DNAH2: variants seen among roughly 807,000 people sequenced by gnomAD.
The protein encoded by DNAH2 is dynein axonemal heavy chain 2.
Under a neutral mutation model 523.5 loss-of-function variants are expected in DNAH2, and 323 were observed. The observed-to-expected ratio is 0.62, with a 90% CI of 0.56 to 0.68. The LOEUF is 0.68. Among genes scored for constraint, DNAH2 ranks in the 30% least tolerant of loss-of-function variants. The probability of loss-of-function intolerance (pLI) is 0.00; values close to 1 mark genes in which losing one functional copy is unlikely to be tolerated. For synonymous variants in DNAH2, 2,093 were observed against 2,177.4 expected (o/e 0.96, Z 1.08); for missense variants, 4,907 against 5,701.5 (o/e 0.86, Z 4.49).
chr17:7,739,349 T>C (rs551470203), intron 8 of DNAH2, among the ~76,000 whole-genome samples: 3 of 152,240 alleles, frequency 2.0e-5, no homozygotes, highest in African/African-American at 7.2e-5. Context: ...GAGGTTGCAG[T>C]GAGCCGAGAT....
intron 65 of DNAH2, 54 bp from the exon 66 acceptor site, chr17:7,817,507 G>A (rs1597756464): frequency 3.1e-6 from 5 of 1,613,614 alleles, no homozygotes; most frequent in Non-Finnish European, 4.2e-6. Flanking sequence ...TGAAGGCGCG[G>A]GGGCTGCTGG....
At chr17:7,824,381 A>G in intron 76 of DNAH2, 77 bp downstream of exon 76, 1 of 1,473,516 alleles carries the variant, frequency 6.8e-7, no homozygotes, top group African/African-American at 1.4e-5. Flanking sequence ...CAATTACACT[A>G]CTGTCCCTGT....
In DNAH2 at chr17:7,760,626, A is replaced by G. The variant is rs2151197979; in HGVS notation, c.2786-114A>G. ...CTTCTAATGTGCATGTTTGAGCTGTATTTCTCTGGGAAGCTGGTTTTAGAG... is the reference window on the plus strand; with the variant it reads ...CTTCTAATGTGCATGTTTGAGCTGTGTTTCTCTGGGAAGCTGGTTTTAGAG... On this transcript the variant is annotated intron_variant, in intron 17 of 85. Coordinates refer to ENST00000572933, the MANE Select transcript of DNAH2 (RefSeq NM_020877.5). The surrounding 1 kb of genome is among the most constrained non-coding windows in gnomAD (Gnocchi z 4.0). 2 of 990,616 alleles carry G rather than the reference A, an allele frequency of 2.0e-6. No individual in the cohort carries two copies. The highest frequency in any genetic ancestry group is 3.0e-6 in the Non-Finnish European group (2 of 670,378). 61.4% of individuals were successfully genotyped at this position (990,616 alleles called of 1,614,324 possible).
Position 7,758,972 on chromosome 17 carries a change from A to T in DNAH2, c.2296A>T (p.Ile766Phe), listed in dbSNP as rs778406461. ...QEMSEKLLVR[I>F]SGKRVYRDLE... The stretch of plus-strand genomic sequence containing the variant: ...GATGTCAGAGAAGCTGCTGGTACGC[A>T]TTAGTGGCAAACGGGTATACAGGGA... The change falls in exon 15 of 86, where the codon ATT becomes TTT. Residue 766 changes from isoleucine (I) to phenylalanine (F), a missense_variant. Ile to Phe is a conservative substitution (Grantham distance 21). This residue lies in a region of DNAH2 where 2,806 missense variants were observed against 3,190.8 expected (regional missense o/e 0.88). Transcript: ENST00000572933. The T allele has an allele frequency of 6.2e-7, 1 of 1,614,140 alleles. No individual in the cohort carries two copies. Among genetic ancestry groups the T allele is most frequent in the South Asian group, 1.1e-5 (1 of 91,086 alleles).
chr17:7,831,029 C>T lies in DNAH2; in HGVS notation c.12231-57C>T. 6.4e-7 allele frequency: 1 copy of T among 1,568,988 alleles called. No individual in the cohort carries two copies. Among genetic ancestry groups the T allele is most frequent in the East Asian group, 2.2e-5 (1 of 44,600 alleles). ...ACATGCATAGGTTTGGGGTCTTGGC[C>T]TGGCATTGAGGGCTGAGTCCCCACA... On this transcript the variant is annotated intron_variant, in intron 79 of 85. Transcript: ENST00000572933. The surrounding 1 kb of genome is among the most constrained non-coding windows in gnomAD (Gnocchi z 4.2).
chr17:7,804,224 C>A, intron 58 of DNAH2, 32 bp from the exon 59 acceptor site: 1 of 1,611,254 alleles, frequency 6.2e-7, no homozygotes, highest in South Asian at 1.1e-5. Flanking sequence ...GAAGCCCCGC[C>A]TCTCCACACC....
At position 7,754,947 on chromosome 17, in the gene DNAH2, T is replaced by C; in HGVS notation, c.1905-2144T>C. 2.4e-6 allele frequency: 1 copy of C among 409,556 alleles called. No homozygotes were observed. Among genetic ancestry groups the C allele is most frequent in the Non-Finnish European group, 4.3e-6 (1 of 232,166 alleles). 25.4% of individuals were successfully genotyped at this position (409,556 alleles called of 1,614,324 possible). A position where few individuals can be genotyped will look rare whatever the true frequency, so the allele number is the denominator to read the frequency against. On this transcript the variant is annotated intron_variant, in intron 12 of 85. Transcript: ENST00000572933. This position sits in a 1 kb window ranked among gnomAD's most constrained non-coding sequence, Gnocchi z 4.6. ...GGCTGGGGTCCTCCTGCGCTATTGG[T>C]ACAAATAAGCCTGAGGCAGAAAAAA...
chr17:7,805,244 T>G lies in DNAH2; in HGVS notation c.9301-8T>G. 6.2e-7 allele frequency: 1 copy of G among 1,613,978 alleles called. No homozygotes were observed. The highest frequency in any genetic ancestry group is 8.5e-7 in the Non-Finnish European group (1 of 1,179,942). On this transcript the variant is annotated splice_region_variant and splice_polypyrimidine_tract_variant and intron_variant, in intron 60 of 85. Coordinates refer to ENST00000572933, the MANE Select transcript of DNAH2 (RefSeq NM_020877.5). ...GTCTTACCCTCACTTTATCCCCTTT[T>G]CCCCCAGGCCCTGGAGTCTCTGAAC...
Position 7,807,271 on chromosome 17 carries a change from C to T in DNAH2, c.9564C>T (p.Arg3188=), listed in dbSNP as rs765797518. 31 of 1,613,748 alleles carry T rather than the reference C, an allele frequency of 1.9e-5. No homozygotes were observed. The highest frequency in any genetic ancestry group is 4.5e-5 in the East Asian group (2 of 44,902). ...QPDFQPDIIG[R]VSLAAKSLCM... ...ACTTCCAGCCTGATATCATCGGCCG[C>T]GTCTCCCTGGCTGCCAAGTCCCTCT... Residue 3188 remains arginine, a synonymous_variant, in exon 62 of 86, where the codon CGC becomes CGT. Transcript: ENST00000572933. This position sits in a 1 kb window ranked among gnomAD's most constrained non-coding sequence, Gnocchi z 5.6.
At chr17:7,755,340 GCCTTTCCCACAATGAC>G (rs1431397150) in intron 12 of DNAH2, among the ~76,000 whole-genome samples, 1 of 2,898 alleles carries the variant, frequency 3.5e-4, no homozygotes, top group African/African-American at 4.5e-4. Flanking sequence ...ACCTTCTCCA[GCCTTTCCCACAATGAC>G]CTTCTCCAGC....
chr17:7,744,839 A>AC (rs915358918), intron 12 of DNAH2, among the ~76,000 whole-genome samples: 6 of 152,038 alleles, frequency 3.9e-5, no homozygotes, highest in Admixed American at 2.0e-4. Context: ...CGAGCTGGGT[A>AC]CCCCCAAAGT....
At chr17:7,779,501 C>A in intron 36 of DNAH2, 78 bp downstream of exon 36, 1 of 1,423,544 alleles carries the variant, frequency 7.0e-7, no homozygotes, top group Non-Finnish European at 9.6e-7. Context: ...GCATCCTCCT[C>A]TTCCCCCTTC....
At chr17:7,757,687 C>G (rs1019471776) in intron 13 of DNAH2, among the ~76,000 whole-genome samples, 1 of 152,288 alleles carries the variant, frequency 6.6e-6, no homozygotes, top group Non-Finnish European at 1.5e-5. Flanking sequence ...GTTTGGGCTT[C>G]TATAACAAAA....
chr17:7,722,619 A>G (rs1039824227), intron 2 of DNAH2, among the ~76,000 whole-genome samples: 2 of 151,824 alleles, frequency 1.3e-5, no homozygotes, highest in African/African-American at 4.8e-5. Context: ...GGATTTGCCT[A>G]TGCTGGACAT....
chr17:7,730,843 G>A (rs974544933), intron 4 of DNAH2, among the ~76,000 whole-genome samples: 3 of 152,074 alleles, frequency 2.0e-5, no homozygotes, highest in Admixed American at 6.6e-5. Flanking sequence ...AGCTGGGCAC[G>A]GTGGCTCACG....
At chr17:7,759,214 T>A in intron 15 of DNAH2, 90 bp downstream of exon 15, 1 of 1,560,072 alleles carries the variant, frequency 6.4e-7, no homozygotes, top group Admixed American at 1.8e-5. Context: ...GACCCTTTTT[T>A]CTTTTTTACC....
intron 12 of DNAH2, among the ~76,000 whole-genome samples, chr17:7,751,917 T>TGGGGGG (rs546310571): frequency 6.6e-5 from 5 of 75,444 alleles, no homozygotes; most frequent in African/African-American, 3.7e-4. Context: ...AGAATAGTTG[T>TGGGGGG]GGGGTGTGTG....
At position 7,759,881 on chromosome 17, in the gene DNAH2, C is replaced by G. The variant is rs943107061; in HGVS notation, c.2728C>G (p.Leu910Val). 6.2e-7 allele frequency: 1 copy of G among 1,614,232 alleles called. No homozygotes were observed. Residue 910 changes from leucine (L) to valine (V), a missense_variant, in exon 17 of 86, where the codon CTC becomes GTC. Physicochemically the swap from Leu to Val is conservative, Grantham distance 32 (BLOSUM62 1). Coordinates refer to ENST00000572933, the MANE Select transcript of DNAH2 (RefSeq NM_020877.5). ...LFSTISVFCH[L>V]PDILTKRKLH... ...TTCCACCATCTCTGTCTTCTGCCAC[C>G]TCCCTGACATTCTCACCAAGCGCAA...
intron 51 of DNAH2, 50 bp downstream of exon 51, chr17:7,797,311 C>CA: frequency 6.2e-7 from 1 of 1,613,290 alleles, no homozygotes; most frequent in Non-Finnish European, 8.5e-7. Flanking sequence ...GCCTTGCTCC[C>CA]ACCCCTACTT....
Sources: allele counts gnomAD v4.1 joint callset (sites outside exome capture counted in the v4.1 genomes callset), GRCh38; gene constraint gnomAD v4.1.1; regional missense constraint gnomAD v4.1.1; non-coding constraint Gnocchi (gnomAD v3.1); transcripts MANE v1.5; gene names NCBI Gene and HGNC (gene_info 2026-07-23, HGNC 2026-07-21).